The following SNCAIP variants were observed in gnomAD, a reference collection of about 807,000 sequenced individuals.
The protein encoded by SNCAIP is synphilin-1.
A neutral mutation model predicts 86.7 loss-of-function variants in SNCAIP; 43 were observed. The observed-to-expected ratio is 0.50, with a 90% confidence interval of 0.39 to 0.64. The LOEUF (loss-of-function observed/expected upper bound fraction) is 0.64. Ranked by LOEUF, SNCAIP falls within the 30% of genes least tolerant of loss-of-function variation. SNCAIP has a pLI of 0.00. For missense variants in SNCAIP, 981 were observed against 1,103.1 expected, an observed-to-expected ratio of 0.89 and a Z score of 1.57; for synonymous variants, 417 against 427.2, an observed-to-expected ratio of 0.98 and a Z score of 0.29.
At chr5:122,333,581 C>G (rs1479784770) in intron 1 of SNCAIP, among the ~76,000 whole-genome samples, 1 of 152,206 alleles carries the variant, frequency 6.6e-6, no homozygotes, top group East Asian at 1.9e-4. Flanking sequence ...TTGGCGGAGA[C>G]CGTATCTCAT....
chr5:122,340,421 G>A (rs1269158597), intron 1 of SNCAIP, among the ~76,000 whole-genome samples: 2 of 152,098 alleles, frequency 1.3e-5, no homozygotes, highest in East Asian at 3.8e-4. Context: ...ATTATTAAGT[G>A]GTAGTTGGGA....
chr5:122,398,865 C>T (rs1233388580), intron 2 of SNCAIP, among the ~76,000 whole-genome samples: 2 of 152,126 alleles, frequency 1.3e-5, no homozygotes, highest in East Asian at 1.9e-4. Flanking sequence ...GTAGAAATCA[C>T]GCACTGTCAT....
chr5:122,321,289 A>G (rs1005396551), intron 1 of SNCAIP: 8 of 152,130 alleles, frequency 5.3e-5, no homozygotes, highest in Admixed American at 1.3e-4. Context: ...CCCATATTAC[A>G]TCTTTGAAAT....
intron 1 of SNCAIP, among the ~76,000 whole-genome samples, chr5:122,378,303 T>C (rs1221219299): frequency 7.1e-6 from 1 of 141,252 alleles, no homozygotes; most frequent in Admixed American, 6.9e-5. Flanking sequence ...ATGATGAGCA[T>C]TTTTTCATGT....
intron 1 of SNCAIP, among the ~76,000 whole-genome samples, chr5:122,332,555 T>C (rs1015631349): frequency 2.0e-5 from 3 of 152,254 alleles, no homozygotes; most frequent in Non-Finnish European, 4.4e-5. Context: ...AGTACTGCCA[T>C]GAAAGACATC....
chr5:122,440,401 G>A (rs943730023), intron 6 of SNCAIP: 23 of 524,788 alleles, frequency 4.4e-5, no homozygotes, highest in African/African-American at 2.1e-4. Context: ...AAATAAGAGC[G>A]CTTCCAAGGG....
At chr5:122,363,996 A>G (rs1468537653) in intron 1 of SNCAIP, among the ~76,000 whole-genome samples, 2 of 151,898 alleles carry the variant, frequency 1.3e-5, no homozygotes, top group Admixed American at 1.3e-4. Context: ...CTAATTAAAA[A>G]AAGAATATTA....
chr5:122,422,010 GAAAAAAAAA>G (rs377501212), intron 3 of SNCAIP, among the ~76,000 whole-genome samples: 1 of 42,216 alleles, frequency 2.4e-5, no homozygotes, highest in Non-Finnish European at 5.0e-5. Context: ...ACAGAAATTA[GAAAAAAAAA>G]AAAAAAAAAC....
intron 9 of SNCAIP, among the ~76,000 whole-genome samples, chr5:122,450,329 T>G (rs1783454728): frequency 6.6e-6 from 1 of 152,264 alleles, no homozygotes; most frequent in African/African-American, 2.4e-5. Context: ...TTAGTAGTCA[T>G]GGTAGTTATA....
At chr5:122,397,661 G>A (rs1770905781) in intron 2 of SNCAIP, among the ~76,000 whole-genome samples, 2 of 152,144 alleles carry the variant, frequency 1.3e-5, no homozygotes, top group South Asian at 4.1e-4. Flanking sequence ...TCTAATAGAG[G>A]TATGAAAGTG....
chr5:122,369,883 TC>T (rs1247214861), intron 1 of SNCAIP: 1 of 152,216 alleles, frequency 6.6e-6, no homozygotes, highest in Non-Finnish European at 1.5e-5. Flanking sequence ...CACAGTTCAG[TC>T]AGCTGCACTT....
chr5:122,444,236 A>G (rs906554026), intron 7 of SNCAIP: 31 of 485,950 alleles, frequency 6.4e-5, no homozygotes, highest in African/African-American at 4.3e-4. Context: ...ATCTCTGACT[A>G]TGAGTGATTC....
At chr5:122,360,355 C>A (rs1761966541) in intron 1 of SNCAIP, among the ~76,000 whole-genome samples, 1 of 152,214 alleles carries the variant, frequency 6.6e-6, no homozygotes, top group Non-Finnish European at 1.5e-5. Flanking sequence ...ACTGGCTCCT[C>A]AGCCTGCCCC....
intron 2 of SNCAIP, chr5:122,400,886 A>G: frequency 1.7e-6 from 2 of 1,207,500 alleles, no homozygotes; most frequent in South Asian, 1.8e-5. Flanking sequence ...CACTGGGAAT[A>G]ACCTCTGGAA....
intron 3 of SNCAIP, among the ~76,000 whole-genome samples, chr5:122,409,966 G>A (rs1435212821): frequency 6.6e-6 from 1 of 152,178 alleles, no homozygotes; most frequent in Admixed American, 6.5e-5. Flanking sequence ...ACTCTAAAGA[G>A]CAGGGAAACA....
chr5:122,423,487 G>A lies in SNCAIP; in HGVS notation c.750G>A (p.Glu250=). ...TGGTTAAATGTGGCTCTGCATATGA[G>A]CCTGAAAACCAGAGTAAAGACTTCC... is the stretch of plus-strand genomic sequence containing the variant. The part of the protein sequence containing the change: ...PPLVKCGSAY[E]PENQSKDFLN... Residue 250 remains glutamate (E), a synonymous_variant, in exon 4 of 11, where the codon GAG becomes GAA. Transcript: ENST00000261368. 6.2e-7 allele frequency: 1 copy of A among 1,614,156 alleles called. No homozygotes were observed. The highest frequency in any genetic ancestry group is 1.1e-5 in the South Asian group (1 of 91,082).
In SNCAIP at chr5:122,391,094, T is replaced by A; in HGVS notation, c.-41T>A. The A allele has an allele frequency of 6.5e-7, 1 of 1,534,146 alleles. No individual in the cohort carries two copies. The highest frequency in any genetic ancestry group is 9.0e-7 in the Non-Finnish European group (1 of 1,107,198). ...TCTGCTTCTGTCTCGTTCAGGAATT[T>A]ATAAGTATTTGACCGTACTCAAAAT... On this transcript the variant is annotated 5_prime_UTR_variant, in exon 2 of 11. Transcript: ENST00000261368.
chr5:122,386,259 G>T (rs1257749188), intron 1 of SNCAIP, among the ~76,000 whole-genome samples: 1 of 152,140 alleles, frequency 6.6e-6, no homozygotes. Context: ...TACGGGGGTG[G>T]CAAGGAGGCT....
At chr5:122,392,474 G>A (rs1769609547) in intron 2 of SNCAIP, among the ~76,000 whole-genome samples, 1 of 151,992 alleles carries the variant, frequency 6.6e-6, no homozygotes. Context: ...AGCATTCAAA[G>A]CAAGGTTCTT....
Sources: allele counts gnomAD v4.1 joint callset (sites outside exome capture counted in the v4.1 genomes callset), GRCh38; gene constraint gnomAD v4.1.1; transcripts MANE v1.5; gene names NCBI Gene and HGNC (gene_info 2026-07-23, HGNC 2026-07-21).